Variants in PCDH11X observed in about 807,000 individuals in gnomAD.
The protein encoded by PCDH11X is protocadherin 11 X-linked.
In PCDH11X, 18 loss-of-function variants were observed where a neutral mutation model predicts 53.3. That is an observed-to-expected ratio of 0.34 (90% CI 0.23 to 0.50). The LOEUF (loss-of-function observed/expected upper bound fraction) is 0.50, where lower values mean the gene tolerates loss of function less well. Among genes scored for constraint, PCDH11X ranks in the 20% least tolerant of loss-of-function variants. PCDH11X has a pLI of 0.98. For synonymous variants in PCDH11X, 279 were observed against 393.3 expected (o/e 0.71, Z 3.44); for missense variants, 570 against 1,032.4 (o/e 0.55, Z 6.14).
At chrX:92,586,368 C>A (rs1213615460) in intron 10 of PCDH11X, among the ~76,000 whole-genome samples, 4 of 110,347 alleles carry the variant, frequency 3.6e-5, no homozygotes, top group Non-Finnish European at 7.6e-5. Context: ...AACTAGGTAA[C>A]CTATTTAATT....
At chrX:91,883,427 C>T in intron 6 of PCDH11X, 7 of 752,745 alleles carry the variant, frequency 9.3e-6, no homozygotes, top group Non-Finnish European at 1.1e-5. Context: ...AAAACAAAAC[C>T]AAAACACTCT....
chrX:92,374,149 G>A (rs1394553597), intron 8 of PCDH11X, among the ~76,000 whole-genome samples: 1 of 108,292 alleles, frequency 9.2e-6, no homozygotes, highest in Non-Finnish European at 1.9e-5. Flanking sequence ...TCTTTATGTT[G>A]TTTTTATTGC....
At chrX:92,083,305 C>A (rs1000047690) in intron 6 of PCDH11X, among the ~76,000 whole-genome samples, 1 of 111,085 alleles carries the variant, frequency 9.0e-6, no homozygotes, top group South Asian at 3.8e-4. Flanking sequence ...CATGAAAATC[C>A]TACTGTAATG....
At chrX:92,477,409 A>T (rs2073410909) in intron 10 of PCDH11X, among the ~76,000 whole-genome samples, 2 of 103,517 alleles carry the variant, frequency 1.9e-5, no homozygotes, top group South Asian at 9.4e-4. Context: ...GAATACTGCC[A>T]AGCTATTGCT....
chrX:91,819,142 A>G lies in PCDH11X; in HGVS notation c.-45+7847A>G, dbSNP rs963543965. ...CATTCTTCTTCCAATATACTATTATATTACCCCTTTGAAGGCTTGTTCTTT... is the reference window on the plus strand; with the variant it reads ...CATTCTTCTTCCAATATACTATTATGTTACCCCTTTGAAGGCTTGTTCTTT... On this transcript the variant is annotated intron_variant, in intron 4 of 10. Coordinates refer to ENST00000682573, the MANE Select transcript of PCDH11X (RefSeq NM_032968.5). Among the ~76,000 whole-genome samples, 3 of 110,306 alleles carry G rather than the reference A, an allele frequency of 2.7e-5. No homozygotes were observed. In the Admixed American group the frequency reaches 2.9e-4, roughly 11 times the overall value.
At chrX:92,124,317 C>A (rs186431046) in intron 6 of PCDH11X, among the ~76,000 whole-genome samples, 10 of 109,974 alleles carry the variant, frequency 9.1e-5, no homozygotes, top group Non-Finnish European at 1.7e-4. Flanking sequence ...GAGGCTGAGG[C>A]GGGCGGATCA....
At chrX:92,526,176 T>C (rs1264917267) in intron 10 of PCDH11X, among the ~76,000 whole-genome samples, 1 of 111,396 alleles carries the variant, frequency 9.0e-6, no homozygotes, top group Non-Finnish European at 1.9e-5. Context: ...CAACATAACA[T>C]TTGGTATATG....
At chrX:92,343,586 C>A (rs1189852204) in intron 8 of PCDH11X, among the ~76,000 whole-genome samples, 2 of 110,507 alleles carry the variant, frequency 1.8e-5, no homozygotes, top group Middle Eastern at 4.7e-3. Context: ...AATGACTTTG[C>A]CTTTCAAGAA....
chrX:92,008,879 A>T lies in PCDH11X; in HGVS notation c.3033+129606A>T, dbSNP rs768821132. ...TACACTTACTGGTGAAGGGATGCCA[A>T]TATGTTTTCTTTAGATATCAGGTGA... On this transcript the variant is annotated intron_variant, in intron 6 of 10. Transcript: ENST00000682573. Among the ~76,000 whole-genome samples the T allele has an allele frequency of 2.7e-5, 3 of 111,827 alleles. No homozygotes were observed. In the South Asian group the frequency reaches 1.1e-3, roughly 42 times the overall value.
At chrX:92,019,586 T>C (rs2062851266) in intron 6 of PCDH11X, among the ~76,000 whole-genome samples, 1 of 111,933 alleles carries the variant, frequency 8.9e-6, no homozygotes, top group Non-Finnish European at 1.9e-5. Flanking sequence ...ACATGGAAAC[T>C]GAATAACCTG....
rs758641899 is a variant in PCDH11X, at chrX:92,487,048, C to CTT, written c.3367+18747_3367+18748dup. Among the ~76,000 whole-genome samples, 300 of 67,772 alleles carry CTT rather than the reference C, an allele frequency of 4.4e-3. 2 individuals are homozygous for CTT. The highest frequency in any genetic ancestry group is 7.8e-3 in the African/African-American group (124 of 15,881). The allele number at this position is 67,772 out of a possible 115,157, so 58.9% of individuals were successfully genotyped here. A position where few individuals can be genotyped will look rare whatever the true frequency, so the allele number is the denominator to read the frequency against. ...TTATTATCTCTGAGAAATATGCTTC[C>CTT]TTTTTTTTTTTTTTTTTTTTTTGAG... is the stretch of plus-strand genomic sequence containing the variant. On this transcript the variant is annotated intron_variant, in intron 10 of 10. Coordinates refer to ENST00000682573, the MANE Select transcript of PCDH11X (RefSeq NM_032968.5).
At chrX:91,947,139 A>T (rs182841934) in intron 6 of PCDH11X, among the ~76,000 whole-genome samples, 28 of 108,141 alleles carry the variant, frequency 2.6e-4, no homozygotes, top group Non-Finnish European at 4.6e-4. Flanking sequence ...TAGATACAAA[A>T]TTTTTATAAA....
At chrX:91,810,972 A>T (rs892575591) in intron 3 of PCDH11X, among the ~76,000 whole-genome samples, 3 of 111,909 alleles carry the variant, frequency 2.7e-5, no homozygotes, top group Non-Finnish European at 5.7e-5. Context: ...TTAAGCTTTC[A>T]TTAGCAGACA....
At chrX:92,238,149 T>C (rs1212506883) in intron 7 of PCDH11X, among the ~76,000 whole-genome samples, 2 of 112,047 alleles carry the variant, frequency 1.8e-5, no homozygotes, top group African/African-American at 6.5e-5. Context: ...TTTTTAGAGA[T>C]GTTTGAAAAC....
At chrX:92,567,930 C>T (rs1031781420) in intron 10 of PCDH11X, among the ~76,000 whole-genome samples, 77 of 109,482 alleles carry the variant, frequency 7.0e-4, no homozygotes, top group Admixed American at 6.9e-4. Context: ...ATGATCCATG[C>T]GACAAACCAC....
rs369588505 is a variant in PCDH11X at position 91,844,545 on chromosome X, G to A, written c.540+8501G>A. ...CCTCTCTTGTCTTTTGTTTTTTCAA[G>A]CTGAGAACTTATTTTCCTATCCCCT... On this transcript the variant is annotated intron_variant, in intron 5 of 10. Coordinates refer to ENST00000682573, the MANE Select transcript of PCDH11X (RefSeq NM_032968.5). Among the ~76,000 whole-genome samples the A allele has an allele frequency of 1.3e-4, 14 of 108,177 alleles. No individual in the cohort carries two copies. In the South Asian group the frequency reaches 4.7e-3, roughly 36 times the overall value. The allele number at this position is 108,177 out of a possible 115,157, so 93.9% of individuals were successfully genotyped here.
At chrX:91,866,608 G>T (rs187078539) in intron 5 of PCDH11X, among the ~76,000 whole-genome samples, 2 of 111,278 alleles carry the variant, frequency 1.8e-5, no homozygotes, top group Non-Finnish European at 3.8e-5. Context: ...GCAGCAGTTG[G>T]GGGAGGAGAA....
In PCDH11X at chrX:92,618,417, G is replaced by C. The variant is rs760107374; in HGVS notation, c.3521G>C (p.Ser1174Thr). 3.3e-6 allele frequency: 4 copies of C among 1,209,342 alleles called. No individual in the cohort carries two copies. The East Asian group carries it at 1.2e-4, about 36-fold the overall frequency. ...GCACAGGCCTCTGCTCTATGCCACA[G>C]CCCACCACTGTCACAGGCCTCTACT... ...SQAQASALCH[S>T]PPLSQASTQH... The change falls in exon 11 of 11, where the codon AGC becomes ACC. Residue 1174 changes from serine to threonine, a missense_variant. Ser to Thr is a moderately conservative substitution (Grantham distance 58, BLOSUM62 1). Transcript: ENST00000682573.
rs370156276 is a variant in PCDH11X, at chrX:91,846,866, C to T, written c.540+10822C>T. Among the ~76,000 whole-genome samples the T allele has an allele frequency of 1.1e-3, 116 of 110,276 alleles. 1 individual carries two copies. In the East Asian group the frequency reaches 0.022, roughly 21 times the overall value. On this transcript the variant is annotated intron_variant, in intron 5 of 10. Coordinates refer to ENST00000682573, the MANE Select transcript of PCDH11X (RefSeq NM_032968.5). ...GTGATGTTGAGAGTTTTGTTGTTTC[C>T]TCACAAATAACTGACTGCATAACTC...
Sources: allele counts gnomAD v4.1 joint callset (sites outside exome capture counted in the v4.1 genomes callset), GRCh38; gene constraint gnomAD v4.1.1; transcripts MANE v1.5; gene names NCBI Gene and HGNC (gene_info 2026-07-23, HGNC 2026-07-21).